Variants in GPC5 observed in about 807,000 individuals in gnomAD.
GPC5 encodes glypican 5, also known as glypican-5.
Under a neutral mutation model 53.9 loss-of-function variants are expected in GPC5, and 47 were observed. The ratio of observed to expected loss-of-function variants is 0.87; its 90% CI spans 0.69 to 1.11. The LOEUF is 1.11. Among genes scored for constraint, GPC5 ranks in the 50% most tolerant of loss-of-function variants. The probability of loss-of-function intolerance (pLI) is 0.00; values close to 1 mark genes in which losing one functional copy is unlikely to be tolerated. For missense variants in GPC5, 748 were observed against 713.1 expected, an observed-to-expected ratio of 1.05 and a Z score of -0.56; for synonymous variants, 286 against 263.3, an observed-to-expected ratio of 1.09 and a Z score of -0.84.
rs144296554 is a variant in GPC5 at position 92,425,735 on chromosome 13, C to T, written c.1561+280746C>T. On this transcript the variant is annotated intron_variant, in intron 7 of 7. Coordinates refer to ENST00000377067, the MANE Select transcript of GPC5 (RefSeq NM_004466.6). ...TTAGACAGTGCCTCTTGGCTCCTCA[C>T]TAGGAAAGATAATTGTTCATTTCAT... Among the ~76,000 whole-genome samples the T allele has an allele frequency of 5.3e-4, 81 of 152,212 alleles. 1 individual carries two copies. Among genetic ancestry groups the T allele is most frequent in the African/African-American group, 1.8e-3 (76 of 41,570 alleles).
At chr13:92,238,029 T>C (rs2139110821) in intron 7 of GPC5, among the ~76,000 whole-genome samples, 1 of 152,232 alleles carries the variant, frequency 6.6e-6, no homozygotes, top group Admixed American at 6.5e-5. Flanking sequence ...TAACTTATTG[T>C]ATGGTTATAA....
chr13:91,418,363 A>C (rs1878379471), intron 1 of GPC5, among the ~76,000 whole-genome samples: 1 of 152,202 alleles, frequency 6.6e-6, no homozygotes, highest in African/African-American at 2.4e-5. Flanking sequence ...TTTGGCAAGT[A>C]AGAGTTCTCC....
intron 7 of GPC5, among the ~76,000 whole-genome samples, chr13:92,204,952 C>T (rs766735525): frequency 3.9e-5 from 6 of 151,900 alleles, no homozygotes; most frequent in Non-Finnish European, 8.8e-5. Flanking sequence ...AATCTCGGCT[C>T]ACTGCAATCT....
At chr13:92,554,158 C>T (rs1190367901) in intron 7 of GPC5, among the ~76,000 whole-genome samples, 1 of 151,822 alleles carries the variant, frequency 6.6e-6, no homozygotes, top group Admixed American at 6.6e-5. Context: ...CATTTGATAA[C>T]AAAGGTGGAA....
intron 2 of GPC5, among the ~76,000 whole-genome samples, chr13:91,559,745 A>G (rs528096090): frequency 6.6e-6 from 1 of 151,946 alleles, no homozygotes; most frequent in Non-Finnish European, 1.5e-5. Flanking sequence ...TGATAACCTC[A>G]CCAGGAGCAG....
At chr13:92,052,935 C>T (rs2041042405) in intron 6 of GPC5, among the ~76,000 whole-genome samples, 1 of 152,146 alleles carries the variant, frequency 6.6e-6, no homozygotes. Context: ...CACCTTCTCT[C>T]CTAAACACCC....
chr13:91,705,370 T>G (rs966307714), intron 3 of GPC5, among the ~76,000 whole-genome samples: 4 of 152,194 alleles, frequency 2.6e-5, no homozygotes, highest in Non-Finnish European at 5.9e-5. Context: ...AGCTACTCTC[T>G]ATGTAATAAG....
At chr13:91,706,660 T>A (rs2036112417) in intron 3 of GPC5, among the ~76,000 whole-genome samples, 1 of 152,136 alleles carries the variant, frequency 6.6e-6, no homozygotes, top group African/African-American at 2.4e-5. Context: ...TGTTAGAAAC[T>A]TGAATTCATT....
At chr13:91,963,240 C>T (rs2040143283) in intron 6 of GPC5, among the ~76,000 whole-genome samples, 1 of 152,164 alleles carries the variant, frequency 6.6e-6, no homozygotes, top group East Asian at 1.9e-4. Flanking sequence ...TCCTAATTCC[C>T]TGCTGCTGGG....
chr13:92,226,493 C>T (rs985990321), intron 7 of GPC5, among the ~76,000 whole-genome samples: 3 of 152,128 alleles, frequency 2.0e-5, no homozygotes, highest in Non-Finnish European at 4.4e-5. Flanking sequence ...AATTTATCTT[C>T]TTCTAACTCC....
Position 92,866,749 on chromosome 13 carries a change from T to G in GPC5, c.*310T>G, listed in dbSNP as rs1879350110. 5.3e-6 allele frequency: 1 copy of G among 187,446 alleles called. No homozygotes were observed. The highest frequency in any genetic ancestry group is 2.3e-5 in the African/African-American group (1 of 42,904). The allele number at this position is 187,446 out of a possible 1,614,324, so 11.6% of individuals were successfully genotyped here. A position where few individuals can be genotyped will look rare whatever the true frequency, so the allele number is the denominator to read the frequency against. ...AGAAGAATTTAGTGTATCTGTAATT[T>G]TATTATCAATTCCAAGCCCCTTCCT... is the stretch of plus-strand genomic sequence containing the variant. On this transcript the variant is annotated 3_prime_UTR_variant, in exon 8 of 8. Coordinates refer to ENST00000377067, the MANE Select transcript of GPC5 (RefSeq NM_004466.6).
chr13:92,771,294 T>G (rs1276013335), intron 7 of GPC5, among the ~76,000 whole-genome samples: 1 of 152,110 alleles, frequency 6.6e-6, no homozygotes, highest in African/African-American at 2.4e-5. Flanking sequence ...TCTCAAGAAA[T>G]AGGATCTAGA....
chr13:91,618,280 G>A (rs983650169), intron 2 of GPC5, among the ~76,000 whole-genome samples: 1 of 152,140 alleles, frequency 6.6e-6, no homozygotes, highest in African/African-American at 2.4e-5. Flanking sequence ...TTCTAAGTGA[G>A]TGAAGGTCAC....
intron 7 of GPC5, among the ~76,000 whole-genome samples, chr13:92,602,940 G>A (rs1884129020): frequency 6.6e-6 from 1 of 152,094 alleles, no homozygotes; most frequent in African/African-American, 2.4e-5. Context: ...AAGTATCCAA[G>A]TCCTCTCTCA....
At chr13:91,579,077 G>A (rs925618265) in intron 2 of GPC5, among the ~76,000 whole-genome samples, 4 of 152,136 alleles carry the variant, frequency 2.6e-5, no homozygotes, top group Admixed American at 2.0e-4. Context: ...AAATTTTAAA[G>A]GTTTACTTTG....
At chr13:92,441,299 C>T (rs574609851) in intron 7 of GPC5, among the ~76,000 whole-genome samples, 1 of 152,308 alleles carries the variant, frequency 6.6e-6, no homozygotes, top group Admixed American at 6.5e-5. Context: ...AAACTCCTGG[C>T]CTCAAGTGAT....
chr13:91,503,807 T>TC (rs1216793154), intron 2 of GPC5, among the ~76,000 whole-genome samples: 1,533 of 146,458 alleles, frequency 0.01, 31 homozygotes, highest in African/African-American at 0.036. Context: ...ATAATAATAA[T>TC]AATAATAATA....
intron 7 of GPC5, among the ~76,000 whole-genome samples, chr13:92,611,840 T>C (rs567942454): frequency 2.6e-5 from 4 of 152,128 alleles, no homozygotes; most frequent in South Asian, 2.1e-4. Flanking sequence ...TTTATAGCAG[T>C]GTATAAAACA....
At chr13:92,759,267 T>C (rs1875060152) in intron 7 of GPC5, among the ~76,000 whole-genome samples, 1 of 151,964 alleles carries the variant, frequency 6.6e-6, no homozygotes, top group Non-Finnish European at 1.5e-5. Context: ...TTGTTTTATC[T>C]ATTTCTGTGA....
Sources: allele counts gnomAD v4.1 joint callset (sites outside exome capture counted in the v4.1 genomes callset), GRCh38; gene constraint gnomAD v4.1.1; transcripts MANE v1.5; gene names NCBI Gene and HGNC (gene_info 2026-07-23, HGNC 2026-07-21).